AGAP1: variants seen among roughly 807,000 people sequenced by gnomAD.
The protein encoded by AGAP1 is ArfGAP with GTPase domain, ankyrin repeat and PH domain 1.
A neutral mutation model predicts 105.3 loss-of-function variants in AGAP1; 29 were observed. The observed-to-expected ratio is 0.28, with a 90% CI of 0.21 to 0.38. The LOEUF (loss-of-function observed/expected upper bound fraction) is 0.38, where lower values mean the gene tolerates loss of function less well. Among genes scored for constraint, AGAP1 ranks in the 10% least tolerant of loss-of-function variants. AGAP1 has a pLI of 1.00. For missense variants in AGAP1, 998 were observed against 1,165.1 expected (o/e 0.86, Z 2.09); for synonymous variants, 509 against 485.9 (o/e 1.05, Z -0.63).
chr2:236,098,429 G>T (rs896673412), intron 16 of AGAP1, among the ~76,000 whole-genome samples: 1 of 151,866 alleles, frequency 6.6e-6, no homozygotes, highest in African/African-American at 2.4e-5. Context: ...AATCAGCCGG[G>T]CATGGTGGTG....
At chr2:235,922,604 A>G (rs775520653) in intron 11 of AGAP1, among the ~76,000 whole-genome samples, 4 of 152,226 alleles carry the variant, frequency 2.6e-5, no homozygotes, top group Admixed American at 2.0e-4. Context: ...TTTGAATGCT[A>G]TGAAAAGCCA....
intron 1 of AGAP1, among the ~76,000 whole-genome samples, chr2:235,686,901 T>G (rs1044448479): frequency 4.6e-5 from 7 of 151,142 alleles, no homozygotes; most frequent in African/African-American, 1.5e-4. Flanking sequence ...TGAGCTTAAG[T>G]GAACCTCCTG....
intron 12 of AGAP1, among the ~76,000 whole-genome samples, chr2:235,942,689 C>T (rs974847600): frequency 1.3e-5 from 2 of 150,758 alleles, no homozygotes; most frequent in African/African-American, 4.9e-5. Flanking sequence ...AAAAAAATTA[C>T]ATTTTAAAAA....
At position 235,913,969 on chromosome 2, in the gene AGAP1, A is replaced by AT. The variant is rs1252057455; in HGVS notation, c.1324+5075dup. Reference sequence around the variant, plus strand: ...ATTATAGCCTCCAGCAAAGTTCAGCATTTTTTTTTTTTATTTAGCTGCTGG... The same window carrying AT: ...ATTATAGCCTCCAGCAAAGTTCAGCATTTTTTTTTTTTTATTTAGCTGCTGG... On this transcript the variant is annotated intron_variant, in intron 11 of 17. Transcript: ENST00000304032. Among the ~76,000 whole-genome samples the AT allele has an allele frequency of 1.1e-3, 164 of 143,858 alleles. 1 individual carries two copies. The highest frequency in any genetic ancestry group is 2.4e-3 in the Admixed American group (35 of 14,454). The allele number at this position is 143,858 out of a possible 152,430, so 94.4% of individuals were successfully genotyped here.
chr2:236,072,125 GT>G (rs11342740), intron 16 of AGAP1, among the ~76,000 whole-genome samples: 33,551 of 112,052 alleles, frequency 0.3, 4,857 homozygotes, highest in Non-Finnish European at 0.41. Flanking sequence ...TTCGTTGTGG[GT>G]TTTTTTTTTT....
At chr2:235,686,616 TATAG>T (rs1357308410) in intron 1 of AGAP1, among the ~76,000 whole-genome samples, 1 of 37,734 alleles carries the variant, frequency 2.7e-5, no homozygotes, top group Non-Finnish European at 4.9e-5. Flanking sequence ...TACGTGGAGA[TATAG>T]ATATATATAT....
intron 1 of AGAP1, among the ~76,000 whole-genome samples, chr2:235,619,707 C>T (rs570543345): frequency 3.9e-4 from 59 of 152,310 alleles, no homozygotes; most frequent in African/African-American, 1.3e-3. Context: ...TAGAAGGGGA[C>T]AAGATTGCCA....
In AGAP1 at chr2:235,792,294, G is replaced by A. The variant is rs759080448; in HGVS notation, c.674-5465G>A. Among the ~76,000 whole-genome samples the A allele has an allele frequency of 3.3e-5, 5 of 151,968 alleles. No homozygotes were observed. The highest frequency in any genetic ancestry group is 6.6e-5 in the Admixed American group (1 of 15,254). ...GCCCCCACTTTTCCCCACCCTTCACGTGTCATCTGGTCCCCCACAAAGCTT... is the reference window on the plus strand; with the variant it reads ...GCCCCCACTTTTCCCCACCCTTCACATGTCATCTGGTCCCCCACAAAGCTT... On this transcript the variant is annotated intron_variant, in intron 6 of 17. Transcript: ENST00000304032. The surrounding 1 kb of genome is among the most constrained non-coding windows in gnomAD (Gnocchi z 5.3).
chr2:235,630,639 TA>T (rs1339224343), intron 1 of AGAP1, among the ~76,000 whole-genome samples: 3 of 152,200 alleles, frequency 2.0e-5, no homozygotes, highest in Non-Finnish European at 4.4e-5. Context: ...GAGAAAGAAT[TA>T]GGGGGTTAGT....
intron 12 of AGAP1, among the ~76,000 whole-genome samples, chr2:235,933,298 G>A (rs1056271957): frequency 6.6e-6 from 1 of 152,156 alleles, no homozygotes; most frequent in African/African-American, 2.4e-5. Flanking sequence ...GAAAAGGGAA[G>A]ATGGAATAGC....
At chr2:235,524,549 A>C (rs1341751927) in intron 1 of AGAP1, 1 of 253,400 alleles carries the variant, frequency 3.9e-6, no homozygotes, top group Non-Finnish European at 8.9e-6. Context: ...GGTAAGTATA[A>C]CCCCCACCCC....
chr2:235,961,293 A>G lies in AGAP1; in HGVS notation c.1484-7169A>G, dbSNP rs2054175210. Among the ~76,000 whole-genome samples the G allele has an allele frequency of 6.6e-6, 1 of 152,210 alleles. No individual in the cohort carries two copies. Among genetic ancestry groups the G allele is most frequent in the Non-Finnish European group, 1.5e-5 (1 of 68,034 alleles). On this transcript the variant is annotated intron_variant, in intron 12 of 17. Transcript: ENST00000304032. This position sits in a 1 kb window ranked among gnomAD's most constrained non-coding sequence, Gnocchi z 5.9. Reference sequence around the variant, plus strand: ...TTCCTCCTTTGGCTCCTGGAGTCTAAAACTTCCTGGTGTCCCTTCTGCCTG... The same window carrying G: ...TTCCTCCTTTGGCTCCTGGAGTCTAGAACTTCCTGGTGTCCCTTCTGCCTG...
At position 235,797,887 on chromosome 2, in the gene AGAP1, G is replaced by GGA; in HGVS notation, c.801+1_801+2insGA. ...GGTGTCTGCCGTGCACATCAGCCAG[G>GGA]TACGTTAGGTGACATGAGAAGTCAG... On this transcript the variant is annotated splice_donor_variant, in intron 7 of 17. Transcript: ENST00000304032. LOFTEE classifies it high-confidence loss of function. 6.2e-7 allele frequency: 1 copy of GGA among 1,614,056 alleles called. No homozygotes were observed. Among genetic ancestry groups the GGA allele is most frequent in the Non-Finnish European group, 8.5e-7 (1 of 1,180,014 alleles).
chr2:236,118,240 C>T (rs532181816), intron 16 of AGAP1, among the ~76,000 whole-genome samples: 13 of 152,170 alleles, frequency 8.5e-5, no homozygotes, highest in South Asian at 2.1e-4. Flanking sequence ...GTGATTTCTC[C>T]GTGTCATTTG....
At position 235,867,520 on chromosome 2, in the gene AGAP1, C is replaced by G. The variant is rs980597876; in HGVS notation, c.1051-15825C>G. Among the ~76,000 whole-genome samples the G allele has an allele frequency of 4.3e-5, 6 of 138,280 alleles. No individual in the cohort carries two copies. Among genetic ancestry groups the G allele is most frequent in the Non-Finnish European group, 7.7e-5 (5 of 64,870 alleles). The allele number at this position is 138,280 out of a possible 152,430, so 90.7% of individuals were successfully genotyped here. ...GCTCTGGCCCCTCGGGATCATACAC[C>G]TTATGCTGGTGCTGCAGTGTGTGTG... On this transcript the variant is annotated intron_variant, in intron 9 of 17. Coordinates refer to ENST00000304032, the MANE Select transcript of AGAP1 (RefSeq NM_001037131.3). This position sits in a 1 kb window ranked among gnomAD's most constrained non-coding sequence, Gnocchi z 5.4.
chr2:235,971,809 C>T lies in AGAP1; in HGVS notation c.1645+3186C>T, dbSNP rs775162480. ...TATTGTATTTTTTGAGACAGGTCCT[C>T]GCTCTGTCACCCAGGCTGGGGTGTA... On this transcript the variant is annotated intron_variant, in intron 13 of 17. Transcript: ENST00000304032. The surrounding 1 kb of genome is among the most constrained non-coding windows in gnomAD (Gnocchi z 4.8). Among the ~76,000 whole-genome samples, 6 of 150,480 alleles carry T rather than the reference C, an allele frequency of 4.0e-5. No individual in the cohort carries two copies. Among genetic ancestry groups the T allele is most frequent in the East Asian group, 3.9e-4 (2 of 5,152 alleles).
At position 235,832,846 on chromosome 2, in the gene AGAP1, T is replaced by C. The variant is rs146139212; in HGVS notation, c.1050+25515T>C. Among the ~76,000 whole-genome samples, 152 of 152,232 alleles carry C rather than the reference T, an allele frequency of 1.0e-3. 1 individual carries two copies. The East Asian group carries it at 0.027, about 27-fold the overall frequency. On this transcript the variant is annotated intron_variant, in intron 9 of 17. Coordinates refer to ENST00000304032, the MANE Select transcript of AGAP1 (RefSeq NM_001037131.3). Reference sequence around the variant, plus strand: ...CCAGATCCCATGGATCAATACCATGTGTGTGAGAGAGAGGGTGGGAGAGCC... The same window carrying C: ...CCAGATCCCATGGATCAATACCATGCGTGTGAGAGAGAGGGTGGGAGAGCC...
intron 1 of AGAP1, among the ~76,000 whole-genome samples, chr2:235,540,762 C>G (rs6755902): frequency 0.31 from 47,317 of 151,804 alleles, 9,510 homozygotes; most frequent in African/African-American, 0.56. Context: ...GGGACGTGCA[C>G]CCCCTTCACT....
chr2:236,081,837 T>C (rs899485634), intron 16 of AGAP1, among the ~76,000 whole-genome samples: 2 of 152,162 alleles, frequency 1.3e-5, no homozygotes, highest in African/African-American at 4.8e-5. Context: ...ATGGTCTAAA[T>C]AGAACATTTT....
Sources: allele counts gnomAD v4.1 joint callset (sites outside exome capture counted in the v4.1 genomes callset), GRCh38; gene constraint gnomAD v4.1.1; non-coding constraint Gnocchi (gnomAD v3.1); transcripts MANE v1.5; gene names NCBI Gene and HGNC (gene_info 2026-07-23, HGNC 2026-07-21).